ACTR3C: variants seen among roughly 807,000 people sequenced by gnomAD.
ACTR3C encodes actin related protein 3C.
A neutral mutation model predicts 26.3 loss-of-function variants in ACTR3C; 18 were observed. That is an observed-to-expected ratio of 0.68 (90% CI 0.47 to 1.01). The LOEUF is 1.01. ACTR3C is among the 50% of genes least tolerant of loss of function. The pLI is 0.00. For synonymous variants in ACTR3C, 55 were observed against 94.5 expected (o/e 0.58, Z 2.42); for missense variants, 184 against 250.7 (o/e 0.73, Z 1.80).
the ACTR3C span, among the ~76,000 whole-genome samples, chr7:150,104,103 A>G: frequency 4.1e-3 from 628 of 151,772 alleles, 6 homozygotes; most frequent in African/African-American, 0.014. Flanking sequence ...TTTTCTAAAC[A>G]AATAGTTTAT....
the ACTR3C span, among the ~76,000 whole-genome samples, chr7:150,156,864 G>A: frequency 4.0e-5 from 6 of 151,706 alleles, no homozygotes; most frequent in Non-Finnish European, 8.8e-5. Context: ...AAAGGATGAA[G>A]GTTTATTCCT....
At chr7:150,298,821 A>G (rs998311886) in intron 1 of ACTR3C, among the ~76,000 whole-genome samples, 3 of 150,520 alleles carry the variant, frequency 2.0e-5, no homozygotes, top group Non-Finnish European at 4.4e-5. Context: ...AACAACCTAA[A>G]TACCCATCAC....
the ACTR3C span, among the ~76,000 whole-genome samples, chr7:149,977,163 C>T: frequency 1.3e-5 from 2 of 152,126 alleles, no homozygotes; most frequent in Non-Finnish European, 2.9e-5. Context: ...TACCTGTATG[C>T]TAGCATCTAA....
chr7:150,012,322 T>C, the ACTR3C span, among the ~76,000 whole-genome samples: 2 of 141,614 alleles, frequency 1.4e-5, no homozygotes, highest in Non-Finnish European at 3.1e-5. Context: ...TGCATCTTTT[T>C]TTTTTTTTTT....
chr7:150,251,478 A>C (rs1427092911), intron 6 of ACTR3C, among the ~76,000 whole-genome samples: 2 of 152,190 alleles, frequency 1.3e-5, no homozygotes, highest in Non-Finnish European at 2.9e-5. Context: ...TTATAACAAT[A>C]TTCAACCCTT....
chr7:149,918,578 T>G, the ACTR3C span, among the ~76,000 whole-genome samples: 3 of 152,084 alleles, frequency 2.0e-5, no homozygotes, highest in Non-Finnish European at 4.4e-5. Context: ...TAATCCCAGC[T>G]ACTCGGGAGG....
the ACTR3C span, among the ~76,000 whole-genome samples, chr7:149,919,137 AAAT>A: frequency 6.9e-6 from 1 of 145,690 alleles, no homozygotes; most frequent in Non-Finnish European, 1.5e-5. Context: ...TAAACCAAAA[AAAT>A]AATAATTAAA....
At position 150,306,184 on chromosome 7, in the gene ACTR3C, C is replaced by T. The variant is rs185590390; in HGVS notation, c.-51-10837G>A. ...GCAAATGGCCTTTTCCATGTTCACA[C>T]CAAACCCCTCCAATTCCATCCTGGC... On this transcript the variant is annotated intron_variant, in intron 1 of 7. Transcript: ENST00000683684. 5.9e-3 allele frequency among the ~76,000 whole-genome samples: 892 copies of T among 152,250 alleles called. 10 individuals carry two copies. Among genetic ancestry groups the T allele is most frequent in the African/African-American group, 0.02 (851 of 41,522 alleles).
At chr7:149,995,424 A>G in the ACTR3C span, among the ~76,000 whole-genome samples, 5 of 152,230 alleles carry the variant, frequency 3.3e-5, no homozygotes, top group Non-Finnish European at 5.9e-5. Context: ...GAAGGGATGG[A>G]AGGAGAAAGA....
the ACTR3C span, among the ~76,000 whole-genome samples, chr7:149,978,189 G>A: frequency 6.6e-6 from 1 of 152,328 alleles, no homozygotes. Flanking sequence ...TGGTTTGTAT[G>A]AGCAGTGGCA....
the ACTR3C span, among the ~76,000 whole-genome samples, chr7:149,903,839 C>T: frequency 1.5e-5 from 2 of 131,596 alleles, no homozygotes; most frequent in Non-Finnish European, 1.7e-5. Flanking sequence ...CCACTGTGTC[C>T]AGCCCTCTGT....
intron 6 of ACTR3C, among the ~76,000 whole-genome samples, chr7:150,254,369 AT>A (rs1207840690): frequency 7.9e-5 from 12 of 152,228 alleles, no homozygotes; most frequent in African/African-American, 2.9e-4. Flanking sequence ...TCTTTGAGAT[AT>A]AAAAAAGCCT....
At chr7:150,027,309 T>C in the ACTR3C span, among the ~76,000 whole-genome samples, 1 of 151,958 alleles carries the variant, frequency 6.6e-6, no homozygotes, top group African/African-American at 2.4e-5. Flanking sequence ...CTCGCTCTAT[T>C]GCCCAGACTG....
chr7:150,081,747 T>G, the ACTR3C span, among the ~76,000 whole-genome samples: 1 of 151,292 alleles, frequency 6.6e-6, no homozygotes, highest in African/African-American at 2.5e-5. Context: ...TTTGAAGATA[T>G]GGGGGAAGGA....
At chr7:150,082,310 T>C in the ACTR3C span, among the ~76,000 whole-genome samples, 2 of 152,136 alleles carry the variant, frequency 1.3e-5, no homozygotes, top group South Asian at 2.1e-4. Flanking sequence ...CTCATCCCCT[T>C]TCAGTGCCTT....
At chr7:149,894,559 A>G in the ACTR3C span, among the ~76,000 whole-genome samples, 12,591 of 152,226 alleles carry the variant, frequency 0.083, 742 homozygotes, top group African/African-American at 0.16. Context: ...AAATAACCCA[A>G]GTGAAAAATG....
intron 1 of ACTR3C, among the ~76,000 whole-genome samples, chr7:150,297,827 G>A (rs1027243862): frequency 6.7e-6 from 1 of 149,410 alleles, no homozygotes; most frequent in Non-Finnish European, 1.5e-5. Flanking sequence ...ATTCCAGCCT[G>A]GGCGATGGAG....
intron 6 of ACTR3C, among the ~76,000 whole-genome samples, chr7:150,273,512 C>T (rs1423585515): frequency 1.3e-5 from 2 of 151,268 alleles, no homozygotes; most frequent in Non-Finnish European, 2.9e-5. Context: ...TCAAGCAATT[C>T]TGCCTTGGCC....
At position 150,252,867 on chromosome 7, in the gene ACTR3C, T is replaced by A. The variant is rs539290427; in HGVS notation, c.565-3813A>T. ...ATGCCTGTGTGTTTATTGTTTTTATTAATATGATATATTGTGTGATATCTG... is the reference window on the plus strand; with the variant it reads ...ATGCCTGTGTGTTTATTGTTTTTATAAATATGATATATTGTGTGATATCTG... On this transcript the variant is annotated intron_variant, in intron 6 of 7. Transcript: ENST00000683684. 1.0e-3 allele frequency among the ~76,000 whole-genome samples: 153 copies of A among 152,286 alleles called. 1 individual carries two copies. The highest frequency in any genetic ancestry group is 3.4e-3 in the African/African-American group (141 of 41,512).
Sources: gnomAD v4.1 joint callset for allele counts (sites outside exome capture counted in the v4.1 genomes callset) on GRCh38, gnomAD v4.1.1 for gene constraint, MANE v1.5 for transcripts, NCBI Gene and HGNC (gene_info 2026-07-23, HGNC 2026-07-21) for gene names.